CWH43: variants seen among roughly 807,000 people sequenced by gnomAD.
CWH43 encodes the protein cell wall biogenesis 43 C-terminal homolog.
A neutral mutation model predicts 85.7 loss-of-function variants in CWH43; 91 were observed. The observed-to-expected ratio is 1.06, with a 90% CI of 0.90 to 1.26. The LOEUF (loss-of-function observed/expected upper bound fraction) is 1.26. Ranked by LOEUF, CWH43 falls within the 50% of genes most tolerant of loss-of-function variation. CWH43 has a pLI of 0.00. For missense variants in CWH43, 869 were observed against 839.2 expected (o/e 1.04, Z -0.44); for synonymous variants, 323 against 293.6 (o/e 1.10, Z -1.02).
Position 48,991,946 on chromosome 4 carries a change from A to T in CWH43, c.367A>T (p.Ile123Phe). The T allele has an allele frequency of 6.2e-7, 1 of 1,612,424 alleles. No individual in the cohort carries two copies. Among genetic ancestry groups the T allele is most frequent in the Non-Finnish European group, 8.5e-7 (1 of 1,178,816 alleles). ...CTTTTGCACTTACAGGTACCTCAGA[A>T]TTTGGGGATTCATTTTAGGACAGAT... Reference protein sequence around the residue: ...SGSHLQRYLRIWGFILGQIVL... With the variant: ...SGSHLQRYLRFWGFILGQIVL... Residue 123 changes from isoleucine to phenylalanine, a missense_variant, in exon 4 of 16, where the codon ATT (isoleucine) becomes TTT (phenylalanine). By Grantham distance (21) the Ile-to-Phe change is conservative. Transcript: ENST00000226432.
At chr4:49,029,910 T>C (rs989643970) in intron 10 of CWH43, among the ~76,000 whole-genome samples, 3 of 152,242 alleles carry the variant, frequency 2.0e-5, no homozygotes, top group East Asian at 1.9e-4. Flanking sequence ...ATAGTGAAAA[T>C]AGTAATCAAT....
chr4:49,003,848 A>G lies in CWH43; in HGVS notation c.916A>G (p.Ile306Val), dbSNP rs1162758138. The change falls in exon 7 of 16, where the codon ATT (isoleucine) becomes GTT (valine). Residue 306 changes from isoleucine (I) to valine (V), a missense_variant. Transcript: ENST00000226432. ...GTGGCCCCAAACACTTGGACACCTT[A>G]TTAACTCAGGGACAAACCCTGGGAA... ...SMWPQTLGHL[I>V]NSGTNPGKTM... 2 of 1,613,986 alleles carry G rather than the reference A, an allele frequency of 1.2e-6. No homozygotes were observed. The highest frequency in any genetic ancestry group is 3.3e-5 in the Admixed American group (2 of 59,974).
chr4:49,031,837 T>G (rs186374118), intron 11 of CWH43, among the ~76,000 whole-genome samples: 1 of 152,080 alleles, frequency 6.6e-6, no homozygotes, highest in East Asian at 1.9e-4. Flanking sequence ...GATGTCTAGG[T>G]TTTTGACCTG....
intron 12 of CWH43, among the ~76,000 whole-genome samples, chr4:49,034,369 CT>C (rs1784198564): frequency 6.6e-6 from 1 of 151,852 alleles, no homozygotes; most frequent in Non-Finnish European, 1.5e-5. Context: ...TTTCCTTTGC[CT>C]TTTTCCCCGT....
intron 14 of CWH43, among the ~76,000 whole-genome samples, chr4:49,048,240 C>CTT (rs1784688595): frequency 1.3e-5 from 2 of 151,540 alleles, no homozygotes; most frequent in South Asian, 4.2e-4. Flanking sequence ...GCTCTGAAAC[C>CTT]TTTATTACCT....
At chr4:49,009,195 CTT>C (rs1181920715) in intron 8 of CWH43, among the ~76,000 whole-genome samples, 5 of 152,132 alleles carry the variant, frequency 3.3e-5, no homozygotes, top group Non-Finnish European at 7.3e-5. Context: ...CTTCACATCT[CTT>C]TTAAGTTGGA....
chr4:49,050,332 A>G (rs1784753802), intron 14 of CWH43, among the ~76,000 whole-genome samples: 1 of 152,216 alleles, frequency 6.6e-6, no homozygotes, highest in Admixed American at 6.5e-5. Context: ...TTGGATTTTT[A>G]AAGGTAAGAA....
At chr4:49,060,018 C>T (rs1785096498) in intron 15 of CWH43, among the ~76,000 whole-genome samples, 1 of 152,110 alleles carries the variant, frequency 6.6e-6, no homozygotes, top group African/African-American at 2.4e-5. Context: ...TGGGCCTGTA[C>T]TCTGGAATTG....
intron 12 of CWH43, among the ~76,000 whole-genome samples, chr4:49,035,432 T>G (rs991410230): frequency 6.6e-6 from 1 of 152,216 alleles, no homozygotes; most frequent in Non-Finnish European, 1.5e-5. Flanking sequence ...GAGCCACTAA[T>G]CACCATTTAA....
At chr4:48,991,366 G>T in intron 2 of CWH43, 88 bp from the exon 3 acceptor site, 2 of 1,377,140 alleles carry the variant, frequency 1.5e-6, no homozygotes, top group Non-Finnish European at 2.0e-6. Flanking sequence ...GTATAAAGAT[G>T]GTATCAGATA....
chr4:49,016,214 G>A (rs1783537696), intron 8 of CWH43, among the ~76,000 whole-genome samples: 1 of 152,124 alleles, frequency 6.6e-6, no homozygotes, highest in African/African-American at 2.4e-5. Flanking sequence ...AAAATCATTG[G>A]CCAATAAATT....
chr4:49,035,056 C>G (rs1451991698), intron 12 of CWH43, among the ~76,000 whole-genome samples: 1 of 152,204 alleles, frequency 6.6e-6, no homozygotes, highest in Non-Finnish European at 1.5e-5. Flanking sequence ...GAAGTACTGT[C>G]TGGGACACTG....
chr4:49,020,533 C>G (rs1379102938), intron 9 of CWH43, among the ~76,000 whole-genome samples: 1 of 151,870 alleles, frequency 6.6e-6, no homozygotes, highest in Non-Finnish European at 1.5e-5. Flanking sequence ...GTGTGAGTAT[C>G]TTTTTCATAT....
chr4:49,050,906 C>G, intron 15 of CWH43, 57 bp downstream of exon 15: 1 of 1,205,284 alleles, frequency 8.3e-7, no homozygotes, highest in East Asian at 2.4e-5. Context: ...TCTATGGAAC[C>G]TACATATTAC....
intron 15 of CWH43, among the ~76,000 whole-genome samples, chr4:49,055,913 CTTT>C (rs71191286): frequency 4.9e-5 from 7 of 142,002 alleles, no homozygotes; most frequent in South Asian, 2.3e-4. Flanking sequence ...TTCTTTTTTT[CTTT>C]TTTTTTTTTT....
At chr4:49,034,661 T>C (rs569332866) in intron 12 of CWH43, among the ~76,000 whole-genome samples, 67 of 152,276 alleles carry the variant, frequency 4.4e-4, no homozygotes, top group African/African-American at 1.4e-3. Context: ...GCAGTGTAAT[T>C]TAATGATTAA....
At chr4:49,048,857 G>T (rs1196967603) in intron 14 of CWH43, among the ~76,000 whole-genome samples, 1 of 152,146 alleles carries the variant, frequency 6.6e-6, no homozygotes, top group Non-Finnish European at 1.5e-5. Flanking sequence ...CCACATTAAT[G>T]AAGTTAGGAA....
intron 14 of CWH43, among the ~76,000 whole-genome samples, chr4:49,046,565 G>A (rs1329511044): frequency 2.0e-5 from 3 of 152,062 alleles, no homozygotes; most frequent in African/African-American, 4.8e-5. Flanking sequence ...GTGTGGGGGT[G>A]GCTGTGGTAG....
At chr4:48,995,120 C>G (rs535414027) in intron 5 of CWH43, among the ~76,000 whole-genome samples, 8 of 152,326 alleles carry the variant, frequency 5.3e-5, no homozygotes, top group Admixed American at 1.3e-4. Flanking sequence ...CACAGAAGAG[C>G]ATTCTCAGTG....
Sources: gnomAD v4.1 joint callset for allele counts (sites outside exome capture counted in the v4.1 genomes callset) on GRCh38, gnomAD v4.1.1 for gene constraint, MANE v1.5 for transcripts, NCBI Gene and HGNC (gene_info 2026-07-23, HGNC 2026-07-21) for gene names.